The following SDK1 variants were observed in gnomAD, a reference collection of about 807,000 sequenced individuals.
SDK1 encodes the protein protein sidekick-1.
SDK1 carries 157 observed loss-of-function variants against 245.5 expected under a neutral mutation model. That is an observed-to-expected ratio of 0.64 (90% CI 0.56 to 0.73). SDK1 has a LOEUF of 0.73. Ranked by LOEUF, SDK1 falls within the 30% of genes least tolerant of loss-of-function variation. SDK1 has a pLI of 0.00. For missense variants in SDK1, 3,583 were observed against 3,002.3 expected (o/e 1.19, Z -4.52); for synonymous variants, 1,647 against 1,278.5 (o/e 1.29, Z -6.15).
intron 1 of SDK1, among the ~76,000 whole-genome samples, chr7:3,472,013 T>C (rs1045067025): frequency 6.6e-6 from 1 of 152,180 alleles, no homozygotes. Flanking sequence ...TTTTTCACTT[T>C]TGTAATCGGT....
At chr7:3,722,452 A>G (rs1032463411) in intron 4 of SDK1, among the ~76,000 whole-genome samples, 5 of 152,128 alleles carry the variant, frequency 3.3e-5, no homozygotes, top group Admixed American at 3.3e-4. Flanking sequence ...GGAAGCTTGC[A>G]GGGCTGCGGC....
intron 13 of SDK1, among the ~76,000 whole-genome samples, chr7:3,981,641 G>T (rs1272953989): frequency 6.6e-6 from 1 of 152,176 alleles, no homozygotes; most frequent in Non-Finnish European, 1.5e-5. Context: ...TTGCTGATGT[G>T]GAGAAAGTTT....
intron 20 of SDK1, among the ~76,000 whole-genome samples, chr7:4,071,401 T>A (rs780202242): frequency 6.6e-6 from 1 of 152,178 alleles, no homozygotes; most frequent in African/African-American, 2.4e-5. Context: ...AAGTGCCCAC[T>A]TTAAATAGTG....
intron 1 of SDK1, among the ~76,000 whole-genome samples, chr7:3,413,020 A>G (rs1033466166): frequency 2.0e-5 from 3 of 152,204 alleles, no homozygotes; most frequent in African/African-American, 7.2e-5. Context: ...AGTGATAAAT[A>G]CTGTGAAAAT....
chr7:3,651,195 C>A (rs1783004708), intron 4 of SDK1, among the ~76,000 whole-genome samples: 1 of 151,570 alleles, frequency 6.6e-6, no homozygotes, highest in Non-Finnish European at 1.5e-5. Context: ...GTAATCCCAC[C>A]AGCAATGTAC....
At chr7:3,845,096 G>A (rs1234598601) in intron 5 of SDK1, among the ~76,000 whole-genome samples, 1 of 152,138 alleles carries the variant, frequency 6.6e-6, no homozygotes, top group African/African-American at 2.4e-5. Flanking sequence ...CGGAGGTCGC[G>A]AGAGCCAGGT....
chr7:3,855,895 A>G (rs986948536), intron 5 of SDK1, among the ~76,000 whole-genome samples: 2 of 152,222 alleles, frequency 1.3e-5, no homozygotes, highest in East Asian at 3.8e-4. Flanking sequence ...TCAGACATTC[A>G]CAGTCTCTAA....
intron 1 of SDK1, among the ~76,000 whole-genome samples, chr7:3,397,328 C>A (rs1330762291): frequency 6.6e-6 from 1 of 151,898 alleles, no homozygotes; most frequent in African/African-American, 2.4e-5. Context: ...ATTTGAATTA[C>A]TTCAGCTGGA....
intron 4 of SDK1, among the ~76,000 whole-genome samples, chr7:3,778,868 A>T (rs954266415): frequency 2.6e-5 from 4 of 152,184 alleles, no homozygotes; most frequent in Non-Finnish European, 5.9e-5. Flanking sequence ...GTAAAACACT[A>T]CTCAGGTGGG....
rs752517625 is a variant in SDK1 at position 4,077,126 on chromosome 7, G to A, written c.3139G>A (p.Ala1047Thr). The A allele has an allele frequency of 2.6e-5, 42 of 1,614,086 alleles. No homozygotes were observed. The highest frequency in any genetic ancestry group is 3.1e-5 in the Non-Finnish European group (37 of 1,180,058). Residue 1047 changes from alanine (A) to threonine (T), a missense_variant, in exon 21 of 45, where the codon GCT (alanine) becomes ACT (threonine). Transcript: ENST00000404826. ...CACCACCTACACCATCGACGTGGCC[G>A]CTGTGACTGCCGTGGGCACTGGCCT... ...SLTTYTIDVAAVTAVGTGLVT... is the reference protein window; with the variant it reads ...SLTTYTIDVATVTAVGTGLVT...
chr7:3,507,771 C>A (rs1311135714), intron 1 of SDK1, among the ~76,000 whole-genome samples: 1 of 152,142 alleles, frequency 6.6e-6, no homozygotes, highest in Non-Finnish European at 1.5e-5. Flanking sequence ...CTCCAATTAG[C>A]ATTGGAATAT....
chr7:4,023,168 G>A (rs983232882), intron 17 of SDK1, among the ~76,000 whole-genome samples: 1 of 152,102 alleles, frequency 6.6e-6, no homozygotes, highest in African/African-American at 2.4e-5. Flanking sequence ...GCATGGGCTA[G>A]CACCTTGGAC....
At chr7:3,442,400 G>T (rs1562488866) in intron 1 of SDK1, among the ~76,000 whole-genome samples, 1 of 152,194 alleles carries the variant, frequency 6.6e-6, no homozygotes, top group Non-Finnish European at 1.5e-5. Context: ...ACCACAAATG[G>T]AATGGTAACT....
intron 14 of SDK1, among the ~76,000 whole-genome samples, chr7:3,994,392 A>G (rs1038065201): frequency 5.3e-5 from 8 of 152,140 alleles, no homozygotes; most frequent in African/African-American, 1.4e-4. Context: ...CTGTGTTCTC[A>G]GTACTTTGGG....
chr7:3,317,180 C>CAAAAAAA (rs57138474), intron 1 of SDK1, among the ~76,000 whole-genome samples: 15 of 32,736 alleles, frequency 4.6e-4, no homozygotes, highest in Non-Finnish European at 8.4e-4. Context: ...GACTCTGTCT[C>CAAAAAAA]AAAAAAAAAA....
At chr7:4,134,710 C>T (rs1488113557) in intron 28 of SDK1, 3 of 150,628 alleles carry the variant, frequency 2.0e-5, no homozygotes, top group African/African-American at 7.3e-5. Flanking sequence ...CCGGCAAGTC[C>T]TCACTCTATG....
intron 4 of SDK1, among the ~76,000 whole-genome samples, chr7:3,755,322 T>C (rs1255777092): frequency 1.3e-5 from 2 of 152,122 alleles, no homozygotes; most frequent in Non-Finnish European, 2.9e-5. Flanking sequence ...ACTCAGTCAC[T>C]GGCCAAGTGC....
intron 3 of SDK1, 85 bp downstream of exon 3, chr7:3,639,195 G>C (rs1782568094): frequency 1.5e-6 from 1 of 659,216 alleles, no homozygotes; most frequent in Non-Finnish European, 2.6e-6. Context: ...CACCATTGTA[G>C]GAACTGAGAG....
At chr7:3,837,584 C>G (rs748261851) in intron 5 of SDK1, among the ~76,000 whole-genome samples, 2 of 152,180 alleles carry the variant, frequency 1.3e-5, no homozygotes, top group Non-Finnish European at 2.9e-5. Flanking sequence ...TAGAAAACTT[C>G]CCATTTGGAG....
Sources: gnomAD v4.1 joint callset for allele counts (sites outside exome capture counted in the v4.1 genomes callset) on GRCh38, gnomAD v4.1.1 for gene constraint, MANE v1.5 for transcripts, NCBI Gene and HGNC (gene_info 2026-07-23, HGNC 2026-07-21) for gene names.